Variants in GLIS3 observed in about 807,000 individuals in gnomAD.
GLIS3 encodes GLIS family zinc finger 3.
GLIS3 carries 53 observed loss-of-function variants against 78.6 expected under a neutral mutation model. The ratio of observed to expected loss-of-function variants is 0.67; its 90% CI spans 0.54 to 0.85. The LOEUF (loss-of-function observed/expected upper bound fraction) is 0.85. GLIS3 is among the 40% of genes least tolerant of loss of function. The pLI is 0.00. For missense variants in GLIS3, 1,703 were observed against 1,231.1 expected, an observed-to-expected ratio of 1.38 and a Z score of -5.74; for synonymous variants, 684 against 509.9, an observed-to-expected ratio of 1.34 and a Z score of -4.60.
At chr9:4,287,410 C>G (rs1828095426) in intron 1 of GLIS3, among the ~76,000 whole-genome samples, 1 of 152,322 alleles carries the variant, frequency 6.6e-6, no homozygotes, top group South Asian at 2.1e-4. Context: ...ATCACCCACC[C>G]ACGTGATGAT....
chr9:4,323,241 C>A (rs181831051), intron 2 of GLIS3, among the ~76,000 whole-genome samples: 26 of 152,236 alleles, frequency 1.7e-4, no homozygotes, highest in African/African-American at 6.3e-4. Context: ...TGATATCAAA[C>A]TATACTACAA....
intron 8 of GLIS3, among the ~76,000 whole-genome samples, chr9:3,856,601 TTTTG>T (rs1180759615): frequency 6.6e-6 from 1 of 152,174 alleles, no homozygotes; most frequent in Non-Finnish European, 1.5e-5. Flanking sequence ...CTCACAAACA[TTTTG>T]TTTGTTTTGT....
At chr9:4,352,497 T>C (rs1266008663), upstream of GLIS3, among the ~76,000 whole-genome samples, 1 of 152,284 alleles carries the variant, frequency 6.6e-6, no homozygotes, top group Non-Finnish European at 1.5e-5. Flanking sequence ...GGGCCTTCCC[T>C]GATTCCCAGG....
intron 4 of GLIS3, among the ~76,000 whole-genome samples, chr9:4,114,187 C>T (rs1831443155): frequency 6.6e-6 from 1 of 152,080 alleles, no homozygotes; most frequent in Non-Finnish European, 1.5e-5. Context: ...TGAGAAGCAC[C>T]AACAGACAGA....
intron 4 of GLIS3, among the ~76,000 whole-genome samples, chr9:4,003,849 G>C (rs1435990001): frequency 6.6e-6 from 1 of 152,176 alleles, no homozygotes; most frequent in Non-Finnish European, 1.5e-5. Flanking sequence ...TTTGGTGCTT[G>C]TATCATGGAT....
At chr9:4,445,896 G>C in the GLIS3 span, among the ~76,000 whole-genome samples, 2 of 152,342 alleles carry the variant, frequency 1.3e-5, no homozygotes, top group African/African-American at 4.8e-5. Context: ...TGCCATCCAA[G>C]AGGACAGATA....
chr9:4,423,949 C>T, the GLIS3 span, among the ~76,000 whole-genome samples: 1 of 152,174 alleles, frequency 6.6e-6, no homozygotes, highest in Admixed American at 6.5e-5. Context: ...CCTAATCCAC[C>T]ACAAAATAGT....
chr9:4,398,008 C>T, the GLIS3 span, among the ~76,000 whole-genome samples: 2 of 152,070 alleles, frequency 1.3e-5, no homozygotes, highest in East Asian at 3.8e-4. Flanking sequence ...AACTCAGATG[C>T]CCCTCTCATT....
In GLIS3 at chr9:4,185,775, T is replaced by C. The variant is rs113084613; in HGVS notation, c.389-59834A>G. ...TCAGTTAGGGACAAAGCTATAGGAA[T>C]GAATCGCCCTCCCTCACTCTTCTCC... On this transcript the variant is annotated intron_variant, in intron 2 of 10. Coordinates refer to ENST00000381971, the MANE Select transcript of GLIS3 (RefSeq NM_001042413.2). Among the ~76,000 whole-genome samples, 1,429 of 152,224 alleles carry C rather than the reference T, an allele frequency of 9.4e-3. 19 individuals are homozygous for C. The highest frequency in any genetic ancestry group is 0.033 in the African/African-American group (1,351 of 41,538).
intron 2 of GLIS3, among the ~76,000 whole-genome samples, chr9:4,254,776 G>A (rs1028760252): frequency 6.6e-6 from 1 of 151,030 alleles, no homozygotes. Context: ...GGAAGCGGAG[G>A]TTGTAGTGAG....
chr9:4,335,243 C>T (rs191930855), intron 2 of GLIS3, among the ~76,000 whole-genome samples: 7 of 152,208 alleles, frequency 4.6e-5, no homozygotes, highest in Non-Finnish European at 8.8e-5. Flanking sequence ...ATCTTAGTGC[C>T]ATAATTGAAA....
chr9:3,886,218 TG>T (rs1334411668), intron 7 of GLIS3, among the ~76,000 whole-genome samples: 10 of 152,314 alleles, frequency 6.6e-5, no homozygotes, highest in Admixed American at 3.9e-4. Context: ...TAAACTGTGG[TG>T]TTACTTTACA....
chr9:3,891,958 G>A (rs531049919), intron 7 of GLIS3, among the ~76,000 whole-genome samples: 5 of 152,120 alleles, frequency 3.3e-5, no homozygotes, highest in Admixed American at 1.3e-4. Flanking sequence ...CTTTTTAATC[G>A]TGAAGAGTTC....
At chr9:4,034,582 A>C (rs1229264167) in intron 4 of GLIS3, 1 of 152,220 alleles carries the variant, frequency 6.6e-6, no homozygotes, top group African/African-American at 2.4e-5. Context: ...AGAAAGCGGT[A>C]TCACAATTTT....
chr9:3,908,336 A>G (rs1045414628), intron 6 of GLIS3, among the ~76,000 whole-genome samples: 8 of 152,188 alleles, frequency 5.3e-5, no homozygotes, highest in Non-Finnish European at 1.2e-4. Context: ...AAACTATTAG[A>G]ATTGCTTGAA....
chr9:3,922,285 G>T (rs1824941891), intron 6 of GLIS3, among the ~76,000 whole-genome samples: 1 of 151,888 alleles, frequency 6.6e-6, no homozygotes, highest in Non-Finnish European at 1.5e-5. Flanking sequence ...TCAAAACAGA[G>T]GGACCCATAA....
At chr9:4,469,473 T>C in the GLIS3 span, among the ~76,000 whole-genome samples, 68 of 152,262 alleles carry the variant, frequency 4.5e-4, no homozygotes, top group African/African-American at 1.6e-3. Flanking sequence ...GAACTAAGGA[T>C]TGAGAAACTC....
intron 2 of GLIS3, among the ~76,000 whole-genome samples, chr9:4,203,732 T>C (rs1387951208): frequency 2.0e-5 from 3 of 151,960 alleles, no homozygotes; most frequent in Non-Finnish European, 2.9e-5. Context: ...GTGGATGGGA[T>C]AAAGAAAATG....
intron 4 of GLIS3, among the ~76,000 whole-genome samples, chr9:4,106,288 G>T (rs1041322497): frequency 6.6e-5 from 10 of 152,148 alleles, no homozygotes; most frequent in African/African-American, 2.4e-4. Context: ...TTCTGTATAC[G>T]TGACGCCTCC....
Sources: gnomAD v4.1 joint callset for allele counts (sites outside exome capture counted in the v4.1 genomes callset) on GRCh38, gnomAD v4.1.1 for gene constraint, MANE v1.5 for transcripts, NCBI Gene and HGNC (gene_info 2026-07-23, HGNC 2026-07-21) for gene names.